The following BZW2 variants were observed in gnomAD, a reference collection of about 807,000 sequenced individuals.
The protein encoded by BZW2 is basic leucine zipper and W2 domains 2.
A neutral mutation model predicts 53.2 loss-of-function variants in BZW2; 23 were observed. The ratio of observed to expected loss-of-function variants is 0.43; its 90% CI spans 0.31 to 0.61. BZW2 has a LOEUF of 0.61. Ranked by LOEUF, BZW2 falls within the 20% of genes least tolerant of loss-of-function variation. The probability of loss-of-function intolerance (pLI) is 0.09; values close to 1 mark genes in which losing one functional copy is unlikely to be tolerated. For missense variants in BZW2, 409 were observed against 503.1 expected, an observed-to-expected ratio of 0.81 and a Z score of 1.79; for synonymous variants, 227 against 186.4, an observed-to-expected ratio of 1.22 and a Z score of -1.77.
rs566071147 is a variant in BZW2 at position 16,684,760 on chromosome 7, C to G, written c.406-1145C>G. On this transcript the variant is annotated intron_variant, in intron 5 of 11. Coordinates refer to ENST00000258761, the MANE Select transcript of BZW2 (RefSeq NM_014038.3). ...TCCCTGGCACTTACTTAGATGTTAA[C>G]TTCTTTTTAATTTGTTGAGAATTTA... 3.3e-5 allele frequency among the ~76,000 whole-genome samples: 5 copies of G among 152,242 alleles called. No homozygotes were observed. The South Asian group carries it at 6.2e-4, about 19-fold the overall frequency.
chr7:16,654,800 A>C (rs1010119655), intron 1 of BZW2, among the ~76,000 whole-genome samples: 3 of 151,932 alleles, frequency 2.0e-5, no homozygotes, highest in Non-Finnish European at 4.4e-5. Flanking sequence ...CAGCCTCCCA[A>C]AGTGCTGGGA....
intron 1 of BZW2, among the ~76,000 whole-genome samples, chr7:16,661,678 G>A (rs1782265545): frequency 6.6e-6 from 1 of 152,016 alleles, no homozygotes. Context: ...TTTACCTTGT[G>A]GAGTATCCAA....
intron 8 of BZW2, among the ~76,000 whole-genome samples, chr7:16,696,493 C>G (rs1369982424): frequency 6.6e-6 from 1 of 152,140 alleles, no homozygotes; most frequent in African/African-American, 2.4e-5. Flanking sequence ...GAGAATGGAC[C>G]TGTACAAACC....
chr7:16,689,472 G>T (rs1783234691), intron 6 of BZW2, among the ~76,000 whole-genome samples: 1 of 152,136 alleles, frequency 6.6e-6, no homozygotes, highest in Non-Finnish European at 1.5e-5. Context: ...GAACCAGAGG[G>T]TGAAATAAAG....
intron 1 of BZW2, among the ~76,000 whole-genome samples, chr7:16,650,724 T>G (rs1030398777): frequency 3.3e-5 from 5 of 152,200 alleles, no homozygotes; most frequent in Non-Finnish European, 7.3e-5. Context: ...ACAAGAATAC[T>G]TTTCATTCTT....
At chr7:16,681,843 A>G (rs1472712996) in intron 4 of BZW2, among the ~76,000 whole-genome samples, 1 of 152,202 alleles carries the variant, frequency 6.6e-6, no homozygotes, top group Non-Finnish European at 1.5e-5. Context: ...CAAAACAAAA[A>G]GAACTACAAG....
intron 1 of BZW2, among the ~76,000 whole-genome samples, chr7:16,653,615 A>T (rs1474010574): frequency 6.6e-6 from 1 of 152,212 alleles, no homozygotes; most frequent in East Asian, 1.9e-4. Context: ...TGTAAAGCTC[A>T]ACATGTATTT....
At chr7:16,663,499 A>G (rs1782328838) in intron 1 of BZW2, among the ~76,000 whole-genome samples, 2 of 152,124 alleles carry the variant, frequency 1.3e-5, no homozygotes, top group Admixed American at 1.3e-4. Flanking sequence ...TGACGTTTTC[A>G]ATAATAAACA....
At chr7:16,675,908 C>T (rs1015570131) in intron 3 of BZW2, among the ~76,000 whole-genome samples, 3 of 151,854 alleles carry the variant, frequency 2.0e-5, no homozygotes, top group Non-Finnish European at 4.4e-5. Context: ...GGTGAAACCC[C>T]GTGTCTATAA....
At chr7:16,665,541 A>T (rs1239143761) in intron 2 of BZW2, 40 bp downstream of exon 2, 1 of 1,600,080 alleles carries the variant, frequency 6.2e-7, no homozygotes, top group African/African-American at 1.3e-5. Context: ...TTAAAGTTGT[A>T]ACCAAAATAT....
intron 1 of BZW2, among the ~76,000 whole-genome samples, chr7:16,646,566 G>C (rs1483595393): frequency 1.3e-5 from 2 of 152,242 alleles, no homozygotes. Flanking sequence ...CCAGCCACGC[G>C]GTGGGAAGTG....
chr7:16,703,027 A>C (rs151282718), intron 10 of BZW2, among the ~76,000 whole-genome samples: 8 of 152,320 alleles, frequency 5.3e-5, no homozygotes, highest in African/African-American at 1.9e-4. Context: ...ATGTTCTTTA[A>C]AAGTCTCTGC....
chr7:16,665,023 G>A (rs75572205), intron 1 of BZW2, among the ~76,000 whole-genome samples: 2 of 152,132 alleles, frequency 1.3e-5, no homozygotes, highest in African/African-American at 4.8e-5. Flanking sequence ...TTTTAAAAGT[G>A]TATTTATGCC....
At chr7:16,689,228 C>CAAAAAT (rs1299778476) in intron 6 of BZW2, among the ~76,000 whole-genome samples, 3 of 151,426 alleles carry the variant, frequency 2.0e-5, no homozygotes, top group Non-Finnish European at 2.9e-5. Flanking sequence ...TCCATCCCCC[C>CAAAAAT]AAAAATAAAA....
chr7:16,649,911 AC>A (rs1417369364), intron 1 of BZW2, among the ~76,000 whole-genome samples: 2 of 152,308 alleles, frequency 1.3e-5, no homozygotes, highest in African/African-American at 4.8e-5. Context: ...GAGTATATTC[AC>A]TTGATTATAC....
Position 16,694,186 on chromosome 7 carries a change from A to G in BZW2, c.652-648A>G, listed in dbSNP as rs149594265. Among the ~76,000 whole-genome samples, 34 of 152,336 alleles carry G rather than the reference A, an allele frequency of 2.2e-4. No individual in the cohort carries two copies. The East Asian group carries it at 6.4e-3, about 29-fold the overall frequency. Reference sequence around the variant, plus strand: ...GTGAAAATATGAGAGCAGCTATGGTATATTGCTCTTTTTGAAAATTTCCAT... The same window carrying G: ...GTGAAAATATGAGAGCAGCTATGGTGTATTGCTCTTTTTGAAAATTTCCAT... On this transcript the variant is annotated intron_variant, in intron 7 of 11. Transcript: ENST00000258761.
chr7:16,688,349 T>TC (rs1783196607), intron 6 of BZW2, among the ~76,000 whole-genome samples: 1 of 152,252 alleles, frequency 6.6e-6, no homozygotes, highest in South Asian at 2.1e-4. Context: ...GGCATATTCT[T>TC]CCTGGTTCAG....
intron 1 of BZW2, among the ~76,000 whole-genome samples, chr7:16,664,563 A>G (rs185331821): frequency 3.9e-5 from 6 of 152,338 alleles, no homozygotes; most frequent in Admixed American, 3.3e-4. Flanking sequence ...ATGAGCGATG[A>G]GACGAGATGT....
chr7:16,663,048 G>A (rs184073461), intron 1 of BZW2, among the ~76,000 whole-genome samples: 2 of 152,302 alleles, frequency 1.3e-5, no homozygotes, highest in Admixed American at 1.3e-4. Flanking sequence ...CTGATTCAGA[G>A]TGAATCTGTT....
Sources: gnomAD v4.1 joint callset for allele counts (sites outside exome capture counted in the v4.1 genomes callset) on GRCh38, gnomAD v4.1.1 for gene constraint, MANE v1.5 for transcripts, NCBI Gene and HGNC (gene_info 2026-07-23, HGNC 2026-07-21) for gene names.